DNER: variants seen among roughly 807,000 people sequenced by gnomAD.
DNER encodes delta/notch like EGF repeat containing, also known as delta and Notch-like epidermal growth factor-related receptor.
Under a neutral mutation model 78.2 loss-of-function variants are expected in DNER, and 33 were observed. That is an observed-to-expected ratio of 0.42 (90% CI 0.32 to 0.56). The LOEUF is 0.56. Among genes scored for constraint, DNER ranks in the 20% least tolerant of loss-of-function variants. The pLI, the probability that DNER is intolerant of heterozygous loss-of-function variation, is 0.11. For synonymous variants in DNER, 417 were observed against 384.8 expected (o/e 1.08, Z -0.98); for missense variants, 918 against 975.3 (o/e 0.94, Z 0.78).
At chr2:229,411,086 G>T (rs1693508965) in intron 9 of DNER, among the ~76,000 whole-genome samples, 1 of 152,134 alleles carries the variant, frequency 6.6e-6, no homozygotes, top group Non-Finnish European at 1.5e-5. Context: ...AAAGAAGGAA[G>T]AAACTCTGAC....
chr2:229,578,022 T>G (rs1697332242), intron 4 of DNER, among the ~76,000 whole-genome samples: 1 of 152,160 alleles, frequency 6.6e-6, no homozygotes. Context: ...AAGTGAATAT[T>G]AGAGGCAGGG....
At chr2:229,563,518 TCCCATCACCATCATCGTCATCAC>T (rs1331015750) in intron 4 of DNER, among the ~76,000 whole-genome samples, 351 of 86,414 alleles carry the variant, frequency 4.1e-3, no homozygotes, top group African/African-American at 0.011. Context: ...AACATCATCA[TCCCATCACCATCATCGTCATCAC>T]CCCATCACCA....
chr2:229,613,705 TTTTACTTTAAAGACATTTCA>T (rs1239567514), intron 1 of DNER, among the ~76,000 whole-genome samples: 36 of 152,174 alleles, frequency 2.4e-4, no homozygotes, highest in East Asian at 3.9e-4. Context: ...AAGACGTTAC[TTTTACTTTAAAGACATTTCA>T]TTTACTTTAA....
intron 1 of DNER, among the ~76,000 whole-genome samples, chr2:229,611,369 G>C (rs564899561): frequency 1.2e-3 from 189 of 152,248 alleles, no homozygotes; most frequent in Non-Finnish European, 2.1e-3. Flanking sequence ...GAAAGTTTGG[G>C]AATCCCTGGC....
At chr2:229,629,066 G>A (rs1310936782) in intron 1 of DNER, among the ~76,000 whole-genome samples, 2 of 152,144 alleles carry the variant, frequency 1.3e-5, no homozygotes, top group African/African-American at 4.8e-5. Flanking sequence ...GTTTTGCCTG[G>A]TGGTTGGCTG....
At chr2:229,588,746 T>C (rs1697546768) in intron 2 of DNER, among the ~76,000 whole-genome samples, 1 of 152,238 alleles carries the variant, frequency 6.6e-6, no homozygotes, top group African/African-American at 2.4e-5. Flanking sequence ...CAATAGGATA[T>C]TGCAGGACAG....
At chr2:229,569,248 C>T (rs1435133505) in intron 4 of DNER, among the ~76,000 whole-genome samples, 2 of 152,176 alleles carry the variant, frequency 1.3e-5, no homozygotes, top group Non-Finnish European at 2.9e-5. Flanking sequence ...ATAGGCTGAG[C>T]GCAGTTGCTC....
chr2:229,589,041 T>C (rs758664033), intron 2 of DNER, among the ~76,000 whole-genome samples: 7 of 152,230 alleles, frequency 4.6e-5, no homozygotes, highest in Non-Finnish European at 8.8e-5. Flanking sequence ...CCTTCGCTTT[T>C]AAATTATTTC....
At chr2:229,458,638 T>C (rs535310233) in intron 7 of DNER, among the ~76,000 whole-genome samples, 1 of 123,942 alleles carries the variant, frequency 8.1e-6, no homozygotes, top group East Asian at 2.1e-4. Flanking sequence ...TTTTAGGGTA[T>C]ATACAAAAAA....
intron 1 of DNER, among the ~76,000 whole-genome samples, chr2:229,710,983 G>GCGCGCACACA (rs1553555262): frequency 7.9e-5 from 11 of 139,810 alleles, no homozygotes; most frequent in Admixed American, 2.9e-4. Context: ...GCATACACGC[G>GCGCGCACACA]CACACACACA....
At chr2:229,633,004 T>C (rs1434224882) in intron 1 of DNER, among the ~76,000 whole-genome samples, 1 of 152,240 alleles carries the variant, frequency 6.6e-6, no homozygotes, top group African/African-American at 2.4e-5. Context: ...GCAACTGTTC[T>C]GTAAAACTGA....
At chr2:229,656,985 CGTGTGT>C (rs1417445603) in intron 1 of DNER, among the ~76,000 whole-genome samples, 4 of 148,724 alleles carry the variant, frequency 2.7e-5, no homozygotes, top group Non-Finnish European at 4.5e-5. Context: ...ACAGTTACCA[CGTGTGT>C]GTGTGTGTGT....
chr2:229,393,720 G>A lies in DNER; in HGVS notation c.1724-5324C>T, dbSNP rs372289429. Among the ~76,000 whole-genome samples, 46 of 152,036 alleles carry A rather than the reference G, an allele frequency of 3.0e-4. 1 individual carries two copies. The highest frequency in any genetic ancestry group is 7.0e-4 in the African/African-American group (29 of 41,510). ...AAATTAGCCAGGCGTGGTGGCGGGC[G>A]CCTGTAGTCCCAGCTACTTAGGAGG... On this transcript the variant is annotated intron_variant, in intron 10 of 12. Transcript: ENST00000341772.
chr2:229,460,164 A>AC (rs1211692398), intron 7 of DNER, among the ~76,000 whole-genome samples: 2 of 146,626 alleles, frequency 1.4e-5, no homozygotes, highest in Non-Finnish European at 3.0e-5. Context: ...CTCAAAAAAA[A>AC]AAAAAAAAAA....
In DNER at chr2:229,358,508, C is replaced by G; in HGVS notation, c.*32G>C. 6.5e-7 allele frequency: 1 copy of G among 1,539,462 alleles called. No homozygotes were observed. Among genetic ancestry groups the G allele is most frequent in the Non-Finnish European group, 8.9e-7 (1 of 1,125,362 alleles). On this transcript the variant is annotated 3_prime_UTR_variant, in exon 13 of 13. Transcript: ENST00000341772. ...AAAAATATTTAAATGAGTGTAGTAT[C>G]TCATCTTTTTGAAAAATAATCCAAA...
chr2:229,537,315 T>C (rs1559160225), intron 5 of DNER, among the ~76,000 whole-genome samples: 1 of 152,192 alleles, frequency 6.6e-6, no homozygotes, highest in South Asian at 2.1e-4. Context: ...GGACACTGAA[T>C]GGGCTACAAA....
intron 1 of DNER, among the ~76,000 whole-genome samples, chr2:229,613,815 A>G (rs1190625170): frequency 1.3e-5 from 2 of 152,186 alleles, no homozygotes; most frequent in Non-Finnish European, 2.9e-5. Flanking sequence ...GTAACTACAT[A>G]GAGTATCAAG....
chr2:229,472,825 A>T (rs1160076012), intron 7 of DNER, among the ~76,000 whole-genome samples: 1 of 152,240 alleles, frequency 6.6e-6, no homozygotes, highest in East Asian at 1.9e-4. Flanking sequence ...CACTTTCCCA[A>T]TATGAACCTA....
chr2:229,490,485 A>G (rs1695376498), intron 6 of DNER, among the ~76,000 whole-genome samples: 1 of 152,202 alleles, frequency 6.6e-6, no homozygotes, highest in African/African-American at 2.4e-5. Flanking sequence ...ACAAAACTAC[A>G]CATCATATAC....
Sources: allele counts gnomAD v4.1 joint callset (sites outside exome capture counted in the v4.1 genomes callset), GRCh38; gene constraint gnomAD v4.1.1; transcripts MANE v1.5; gene names NCBI Gene and HGNC (gene_info 2026-07-23, HGNC 2026-07-21).